The following USH2A variants were observed in gnomAD, a reference collection of about 807,000 sequenced individuals.
USH2A encodes the protein Usher syndrome 2A (autosomal recessive, mild).
USH2A carries 443 observed loss-of-function variants against 538.9 expected under a neutral mutation model. That is an observed-to-expected ratio of 0.82 (90% CI 0.76 to 0.89). USH2A has a LOEUF of 0.89. Ranked by LOEUF, USH2A falls within the 40% of genes least tolerant of loss-of-function variation. The probability of loss-of-function intolerance (pLI) is 0.00; values close to 1 mark genes in which losing one functional copy is unlikely to be tolerated. For missense variants in USH2A, 6,633 were observed against 6,324.8 expected, an observed-to-expected ratio of 1.05 and a Z score of -1.65; for synonymous variants, 2,413 against 2,273.5, an observed-to-expected ratio of 1.06 and a Z score of -1.75.
At chr1:216,420,502 G>A (rs1290623370) in intron 2 of USH2A, among the ~76,000 whole-genome samples, 1 of 151,866 alleles carries the variant, frequency 6.6e-6, no homozygotes, top group African/African-American at 2.4e-5. Flanking sequence ...TTTTAATTTT[G>A]AAAATGGAAA....
At chr1:215,924,693 T>C (rs1666191641) in intron 38 of USH2A, among the ~76,000 whole-genome samples, 2 of 151,928 alleles carry the variant, frequency 1.3e-5, no homozygotes, top group Admixed American at 1.3e-4. Flanking sequence ...TTTTTAAAAA[T>C]GTGAGTTAGA....
Position 216,070,833 on chromosome 1 carries a change from T to G in USH2A, c.5858-541A>C, listed in dbSNP as rs376022562. On this transcript the variant is annotated intron_variant, in intron 29 of 71. Coordinates refer to ENST00000307340, the MANE Select transcript of USH2A (RefSeq NM_206933.4). ...GTTCTACCAGATATGATATATGGAATATATTCTTAGTTGCAGTTTTTGGGG... is the reference window on the plus strand; with the variant it reads ...GTTCTACCAGATATGATATATGGAAGATATTCTTAGTTGCAGTTTTTGGGG... Among the ~76,000 whole-genome samples the G allele has an allele frequency of 2.0e-5, 3 of 149,410 alleles. No homozygotes were observed. In the East Asian group the frequency reaches 5.9e-4, roughly 29 times the overall value.
chr1:216,274,748 A>C (rs2036639015), intron 11 of USH2A, among the ~76,000 whole-genome samples: 1 of 152,142 alleles, frequency 6.6e-6, no homozygotes, highest in South Asian at 2.1e-4. Flanking sequence ...TCATTTGCAA[A>C]GAAAAGCTTC....
At chr1:215,992,604 T>G (rs1450241814) in intron 35 of USH2A, among the ~76,000 whole-genome samples, 1 of 152,216 alleles carries the variant, frequency 6.6e-6, no homozygotes, top group Non-Finnish European at 1.5e-5. Context: ...TAAGATAAAC[T>G]TATTAAATCA....
intron 30 of USH2A, 86 bp downstream of exon 30, chr1:216,070,015 T>TA (rs1356189515): frequency 1.4e-5 from 21 of 1,482,704 alleles, no homozygotes; most frequent in African/African-American, 4.2e-5. Context: ...TACATTTTTC[T>TA]AAAAAACATT....
rs538860568 is a variant in USH2A at position 216,024,872 on chromosome 1, T to G, written c.6325+21559A>C. Among the ~76,000 whole-genome samples the G allele has an allele frequency of 3.9e-5, 6 of 152,110 alleles. No homozygotes were observed. In the South Asian group the frequency reaches 6.2e-4, roughly 16 times the overall value. ...AGGTTTTATAATATACCAATGATTT[T>G]AAGCCACTTTATATTGTTTCAGTCA... On this transcript the variant is annotated intron_variant, in intron 32 of 71. Transcript: ENST00000307340.
intron 3 of USH2A, among the ~76,000 whole-genome samples, chr1:216,415,957 G>C (rs2039571014): frequency 6.6e-6 from 1 of 152,016 alleles, no homozygotes; most frequent in African/African-American, 2.4e-5. Context: ...CTGAGGTCAG[G>C]AATTCGAGAC....
intron 55 of USH2A, among the ~76,000 whole-genome samples, chr1:215,779,591 G>A (rs1213767893): frequency 6.6e-6 from 1 of 152,152 alleles, no homozygotes; most frequent in East Asian, 1.9e-4. Flanking sequence ...TAATACTGAT[G>A]CAAAAACCCT....
At chr1:216,190,491 G>T in intron 19 of USH2A, 124 bp from the exon 20 acceptor site, 9 of 1,220,422 alleles carry the variant, frequency 7.4e-6, no homozygotes, top group South Asian at 1.4e-5. Context: ...CCACCATTAG[G>T]AAAAGGGTTT....
chr1:216,355,620 G>A (rs75427093), intron 4 of USH2A, among the ~76,000 whole-genome samples: 8 of 152,082 alleles, frequency 5.3e-5, no homozygotes, highest in East Asian at 1.9e-4. Context: ...GAGGTTCTTC[G>A]GATTAAGAAG....
chr1:215,860,430 A>T (rs932351858), intron 44 of USH2A, among the ~76,000 whole-genome samples: 2 of 152,178 alleles, frequency 1.3e-5, no homozygotes, highest in Non-Finnish European at 2.9e-5. Context: ...AAACAAAAGA[A>T]AAAAAGTATT....
chr1:216,121,626 G>T (rs2033140539), intron 21 of USH2A, among the ~76,000 whole-genome samples: 1 of 152,094 alleles, frequency 6.6e-6, no homozygotes, highest in South Asian at 2.1e-4. Context: ...CATAGATTCT[G>T]CAGCAGCCCA....
At chr1:216,077,861 A>C (rs533271680) in intron 27 of USH2A, among the ~76,000 whole-genome samples, 28 of 151,942 alleles carry the variant, frequency 1.8e-4, no homozygotes, top group African/African-American at 6.7e-4. Flanking sequence ...GACATATTGA[A>C]ATAAATATGC....
chr1:215,826,056 A>G (rs1432035902), intron 47 of USH2A, among the ~76,000 whole-genome samples: 3 of 152,180 alleles, frequency 2.0e-5, no homozygotes, highest in Admixed American at 1.3e-4. Context: ...TAGTGGCCAG[A>G]GATTGGCCAG....
intron 38 of USH2A, among the ~76,000 whole-genome samples, chr1:215,914,261 A>G (rs1665893809): frequency 6.6e-6 from 1 of 151,860 alleles, no homozygotes; most frequent in South Asian, 2.1e-4. Flanking sequence ...CAGAAAAGAA[A>G]TGTCATGAGT....
intron 19 of USH2A, among the ~76,000 whole-genome samples, chr1:216,193,503 A>T (rs576260188): frequency 6.6e-6 from 1 of 152,038 alleles, no homozygotes; most frequent in Non-Finnish European, 1.5e-5. Context: ...TTAGTAGTGG[A>T]TTGTATAGTG....
chr1:216,108,482 T>C (rs2032790570), intron 21 of USH2A, among the ~76,000 whole-genome samples: 1 of 151,934 alleles, frequency 6.6e-6, no homozygotes, highest in South Asian at 2.1e-4. Flanking sequence ...TTCATTGAGC[T>C]TCTTGCATTT....
chr1:216,090,704 C>T (rs945608021), intron 22 of USH2A, among the ~76,000 whole-genome samples: 3 of 152,084 alleles, frequency 2.0e-5, no homozygotes, highest in Non-Finnish European at 2.9e-5. Context: ...GAACTGGTGT[C>T]GTGCCCAATT....
In USH2A at chr1:216,200,030, A is replaced by T. The variant is rs1064793287; in HGVS notation, c.3408T>A (p.Ser1136Arg). ...ETTNVHGSTRSVAVTYKTKPG... is the reference protein window; with the variant it reads ...ETTNVHGSTRRVAVTYKTKPG... ...GTTTTGTCTTGTAAGTGACAGCTAC[A>T]CTCCTTGTTGAACCATGCACATTGG... is the stretch of plus-strand genomic sequence containing the variant. Residue 1136 changes from serine to arginine, a missense_variant, in exon 17 of 72, where the codon AGT becomes AGA. Transcript: ENST00000307340. The T allele has an allele frequency of 3.7e-6, 6 of 1,613,618 alleles. No individual in the cohort carries two copies. In the Admixed American group the frequency reaches 8.3e-5, roughly 22 times the overall value.
Sources: allele counts gnomAD v4.1 joint callset (sites outside exome capture counted in the v4.1 genomes callset), GRCh38; gene constraint gnomAD v4.1.1; transcripts MANE v1.5; gene names NCBI Gene and HGNC (gene_info 2026-07-23, HGNC 2026-07-21).